HEATR3: variants seen among roughly 807,000 people sequenced by gnomAD.
HEATR3 encodes the protein HEAT repeat-containing protein 3.
Under a neutral mutation model 72.8 loss-of-function variants are expected in HEATR3, and 56 were observed. That is an observed-to-expected ratio of 0.77 (90% CI 0.62 to 0.96). The LOEUF (loss-of-function observed/expected upper bound fraction) is 0.96, where lower values mean the gene tolerates loss of function less well. Among genes scored for constraint, HEATR3 ranks in the 40% least tolerant of loss-of-function variants. The pLI, the probability that HEATR3 is intolerant of heterozygous loss-of-function variation, is 0.00. For missense variants in HEATR3, 747 were observed against 831.4 expected, an observed-to-expected ratio of 0.90 and a Z score of 1.25; for synonymous variants, 331 against 318.1, an observed-to-expected ratio of 1.04 and a Z score of -0.43.
At chr16:50,086,870 A>G (rs566640727) in intron 11 of HEATR3, among the ~76,000 whole-genome samples, 1 of 152,194 alleles carries the variant, frequency 6.6e-6, no homozygotes, top group Non-Finnish European at 1.5e-5. Context: ...TGGGGATTGC[A>G]GTGATCTGAG....
At chr16:50,078,092 GTC>G (rs1236128721) in intron 6 of HEATR3, among the ~76,000 whole-genome samples, 3 of 151,942 alleles carry the variant, frequency 2.0e-5, no homozygotes, top group Admixed American at 6.6e-5. Context: ...GCCCAGGCTT[GTC>G]TCGAACTCCT....
At chr16:50,072,974 T>G (rs915273944) in intron 5 of HEATR3, 5 of 366,228 alleles carry the variant, frequency 1.4e-5, no homozygotes, top group African/African-American at 8.5e-5. Context: ...CCTGTTTCCA[T>G]TCTTAGCAGC....
At chr16:50,073,816 T>A (rs1223485868) in intron 5 of HEATR3, 1 of 152,232 alleles carries the variant, frequency 6.6e-6, no homozygotes, top group African/African-American at 2.4e-5. Context: ...TGGATTAGAA[T>A]AGTCATTTTG....
intron 2 of HEATR3, 100 bp downstream of exon 2, chr16:50,066,639 C>G (rs1359117487): frequency 1.1e-5 from 12 of 1,062,708 alleles, no homozygotes; most frequent in Non-Finnish European, 1.3e-5. Flanking sequence ...TGTGTGCCAT[C>G]AGGCACTGGC....
In HEATR3 at chr16:50,093,484, G is replaced by A. The variant is rs2037164868; in HGVS notation, c.1511-1221G>A. The stretch of plus-strand genomic sequence containing the variant: ...TTTGGCAACGTCTGGAGGTATTTTT[G>A]GTTTTACAACTTGGAAATTGCAACT... On this transcript the variant is annotated intron_variant, in intron 11 of 14. Transcript: ENST00000299192. Among the ~76,000 whole-genome samples the A allele has an allele frequency of 3.3e-5, 5 of 152,086 alleles. No individual in the cohort carries two copies. In the South Asian group the frequency reaches 1.0e-3, roughly 32 times the overall value.
At position 50,106,811 on chromosome 16, in the gene HEATR3, T is replaced by C. The variant is rs975924973; in HGVS notation, c.*1750T>C. On this transcript the variant is annotated 3_prime_UTR_variant, in exon 15 of 15. Transcript: ENST00000299192. ...GATTTCATCTGCACTGTGATGTATTTTACAGTTTTCACCTATATGATATAG... is the reference window on the plus strand; with the variant it reads ...GATTTCATCTGCACTGTGATGTATTCTACAGTTTTCACCTATATGATATAG... 5.3e-5 allele frequency among the ~76,000 whole-genome samples: 8 copies of C among 152,152 alleles called. No individual in the cohort carries two copies. Among genetic ancestry groups the C allele is most frequent in the African/African-American group, 1.9e-4 (8 of 41,432 alleles).
At chr16:50,099,959 C>A (rs2037329382) in intron 12 of HEATR3, among the ~76,000 whole-genome samples, 1 of 152,158 alleles carries the variant, frequency 6.6e-6, no homozygotes, top group Admixed American at 6.5e-5. Context: ...AGTGTGTGTA[C>A]ATCTGGAATG....
At chr16:50,077,608 C>T (rs1464247338) in intron 6 of HEATR3, among the ~76,000 whole-genome samples, 1 of 152,170 alleles carries the variant, frequency 6.6e-6, no homozygotes, top group African/African-American at 2.4e-5. Context: ...TGCTGTCAGC[C>T]ACCATTCCTT....
intron 14 of HEATR3, among the ~76,000 whole-genome samples, chr16:50,104,197 A>T (rs185824911): frequency 2.7e-4 from 41 of 152,118 alleles, no homozygotes; most frequent in African/African-American, 9.4e-4. Context: ...TAAAAATTTA[A>T]AAAAATTACT....
At position 50,066,082 on chromosome 16, in the gene HEATR3, C is replaced by T; in HGVS notation, c.-50C>T. Reference sequence around the variant, plus strand: ...TTAACGGCGCGGCAGCCTCCACCGCCTGCTGTTGCCCTCCTCTCTCGGTGG... The same window carrying T: ...TTAACGGCGCGGCAGCCTCCACCGCTTGCTGTTGCCCTCCTCTCTCGGTGG... On this transcript the variant is annotated 5_prime_UTR_variant, in exon 1 of 15. Coordinates refer to ENST00000299192, the MANE Select transcript of HEATR3 (RefSeq NM_182922.4). The T allele has an allele frequency of 6.5e-7, 1 of 1,544,686 alleles. No homozygotes were observed. Among genetic ancestry groups the T allele is most frequent in the South Asian group, 1.2e-5 (1 of 84,468 alleles).
chr16:50,075,420 A>G, intron 5 of HEATR3, 151 bp from the exon 6 acceptor site: 3 of 596,028 alleles, frequency 5.0e-6, no homozygotes, highest in South Asian at 2.3e-5. Flanking sequence ...ATTTGCGCAT[A>G]TCACCCTGAG....
intron 11 of HEATR3, among the ~76,000 whole-genome samples, chr16:50,088,367 T>C (rs1438214059): frequency 1.3e-5 from 2 of 152,194 alleles, no homozygotes; most frequent in Admixed American, 1.3e-4. Flanking sequence ...CTTTCAACAT[T>C]GATCAGTTAA....
chr16:50,104,783 G>A lies in HEATR3; in HGVS notation c.1921-156G>A, dbSNP rs1006859274. Among the ~76,000 whole-genome samples, 7 of 151,950 alleles carry A rather than the reference G, an allele frequency of 4.6e-5. 1 individual carries two copies. Among genetic ancestry groups the A allele is most frequent in the South Asian group, 4.1e-4 (2 of 4,822 alleles). On this transcript the variant is annotated intron_variant, in intron 14 of 14. Transcript: ENST00000299192. Reference sequence around the variant, plus strand: ...ATTCTCAGTTTATTCTTTACTTACCGAGTTCCATTTACCTTGGAAGTAAAA... The same window carrying A: ...ATTCTCAGTTTATTCTTTACTTACCAAGTTCCATTTACCTTGGAAGTAAAA...
At chr16:50,071,718 T>C (rs965622976) in intron 4 of HEATR3, among the ~76,000 whole-genome samples, 2 of 152,242 alleles carry the variant, frequency 1.3e-5, no homozygotes, top group Admixed American at 6.5e-5. Flanking sequence ...ATAGAAGATA[T>C]GAAATATTTT....
intron 12 of HEATR3, among the ~76,000 whole-genome samples, chr16:50,096,835 T>C (rs1237352701): frequency 1.3e-5 from 2 of 152,214 alleles, no homozygotes; most frequent in Non-Finnish European, 2.9e-5. Context: ...TCAGTGGTTT[T>C]AGTATATTCT....
At chr16:50,066,321 G>C (rs1282069846) in intron 1 of HEATR3, 46 bp from the exon 2 acceptor site, 3 of 1,565,356 alleles carry the variant, frequency 1.9e-6, no homozygotes, top group African/African-American at 2.8e-5. Flanking sequence ...TGCCCCGCGC[G>C]CGTGCGCATT....
At chr16:50,069,103 A>G (rs1229052216) in intron 3 of HEATR3, 5 of 347,230 alleles carry the variant, frequency 1.4e-5, no homozygotes, top group Non-Finnish European at 2.6e-5. Flanking sequence ...TCACTCCTTT[A>G]GATGTTAAAC....
At chr16:50,091,805 CG>C (rs1457693695) in intron 11 of HEATR3, among the ~76,000 whole-genome samples, 1 of 144,086 alleles carries the variant, frequency 6.9e-6, no homozygotes, top group Non-Finnish European at 1.5e-5. Context: ...ACCTGGGAGG[CG>C]GAGCTTGCAG....
chr16:50,104,952 G>T lies in HEATR3; in HGVS notation c.1934G>T (p.Gly645Val). The T allele has an allele frequency of 1.9e-6, 3 of 1,590,770 alleles. No homozygotes were observed. Among genetic ancestry groups the T allele is most frequent in the Non-Finnish European group, 2.6e-6 (3 of 1,173,356 alleles). The change falls in exon 15 of 15, where the codon GGG becomes GTG. Residue 645 changes from glycine to valine, a missense_variant. Gly to Val is a moderately radical substitution (Grantham distance 109). Coordinates refer to ENST00000299192, the MANE Select transcript of HEATR3 (RefSeq NM_182922.4). ...PVFKMKIRKE[G>V]RGNYSTDQLC... The stretch of plus-strand genomic sequence containing the variant: ...TTTTGTTTGCAGATACGTAAAGAAG[G>T]GAGAGGTAACTATAGCACAGATCAG...
Sources: allele counts gnomAD v4.1 joint callset (sites outside exome capture counted in the v4.1 genomes callset), GRCh38; gene constraint gnomAD v4.1.1; transcripts MANE v1.5; gene names NCBI Gene and HGNC (gene_info 2026-07-23, HGNC 2026-07-21).